COL4A6: variants seen among roughly 807,000 people sequenced by gnomAD.
COL4A6 encodes the protein collagen alpha-6(IV) chain.
In COL4A6, 59 loss-of-function variants were observed where a neutral mutation model predicts 126.7. That is an observed-to-expected ratio of 0.47 (90% CI 0.38 to 0.58). The LOEUF (loss-of-function observed/expected upper bound fraction) is 0.58, where lower values mean the gene tolerates loss of function less well. COL4A6 is among the 20% of genes least tolerant of loss of function. The probability of loss-of-function intolerance (pLI) is 0.00; values close to 1 mark genes in which losing one functional copy is unlikely to be tolerated. For missense variants in COL4A6, 1,285 were observed against 1,337.3 expected, an observed-to-expected ratio of 0.96 and a Z score of 0.61; for synonymous variants, 547 against 496.6, an observed-to-expected ratio of 1.10 and a Z score of -1.35.
intron 2 of COL4A6, among the ~76,000 whole-genome samples, chrX:108,319,640 G>A (rs1203597642): frequency 8.9e-6 from 1 of 112,112 alleles, no homozygotes; most frequent in East Asian, 2.8e-4. Context: ...TAGCAATGTG[G>A]TGATCTGTAC....
chrX:108,315,353 C>T (rs1435712370), intron 2 of COL4A6, among the ~76,000 whole-genome samples: 1 of 111,109 alleles, frequency 9.0e-6, no homozygotes, highest in Non-Finnish European at 1.9e-5. Context: ...CCATTCTCTG[C>T]CTCAGCTTCC....
chrX:108,170,545 A>G (rs2034266712), intron 35 of COL4A6, 64 bp downstream of exon 35: 7 of 889,931 alleles, frequency 7.9e-6, no homozygotes, highest in Non-Finnish European at 9.9e-6. Context: ...TCTAAGATAA[A>G]GTAGTTGGTG....
At chrX:108,212,357 C>T (rs1223884480) in intron 6 of COL4A6, among the ~76,000 whole-genome samples, 1 of 111,522 alleles carries the variant, frequency 9.0e-6, no homozygotes, top group Non-Finnish European at 1.9e-5. Context: ...GATTCAAAGT[C>T]TGTCTAAGAG....
chrX:108,300,811 T>C (rs1405570667), intron 3 of COL4A6, among the ~76,000 whole-genome samples: 2 of 109,273 alleles, frequency 1.8e-5, no homozygotes, highest in African/African-American at 6.7e-5. Context: ...CCACAGTGCC[T>C]GCACCAATAT....
At chrX:108,178,456 G>T (rs1220769556) in intron 27 of COL4A6, among the ~76,000 whole-genome samples, 3 of 112,660 alleles carry the variant, frequency 2.7e-5, no homozygotes, top group Non-Finnish European at 3.8e-5. Context: ...GGAGGAGGCG[G>T]GGGGAGGGGA....
In COL4A6 at chrX:108,172,541, C is replaced by A; in HGVS notation, c.3139-9G>T. Reference sequence around the variant, plus strand: ...CTGATACCTTGTGAACCCTTCGAAGCAATATGGGAATCATCATTTCTGCCC... The same window carrying A: ...CTGATACCTTGTGAACCCTTCGAAGAAATATGGGAATCATCATTTCTGCCC... On this transcript the variant is annotated splice_polypyrimidine_tract_variant and intron_variant, in intron 31 of 44. Transcript: ENST00000334504. The A allele has an allele frequency of 8.4e-7, 1 of 1,192,367 alleles. No individual in the cohort carries two copies. The highest frequency in any genetic ancestry group is 1.1e-6 in the Non-Finnish European group (1 of 883,034).
chrX:108,363,137 G>A (rs1370569095), intron 2 of COL4A6, among the ~76,000 whole-genome samples: 1 of 112,205 alleles, frequency 8.9e-6, no homozygotes, highest in Admixed American at 9.5e-5. Flanking sequence ...ACTGTATGTA[G>A]CTGGAGGTGA....
chrX:108,419,097 T>C (rs2041485326), intron 2 of COL4A6, among the ~76,000 whole-genome samples: 1 of 112,388 alleles, frequency 8.9e-6, no homozygotes, highest in Non-Finnish European at 1.9e-5. Flanking sequence ...GTAAACTATA[T>C]ATGAGAAGAA....
intron 3 of COL4A6, among the ~76,000 whole-genome samples, chrX:108,249,542 T>G (rs762808768): frequency 9.0e-6 from 1 of 111,452 alleles, no homozygotes; most frequent in African/African-American, 3.3e-5. Context: ...TTAAATGTAT[T>G]TGAGGGGTAA....
intron 3 of COL4A6, among the ~76,000 whole-genome samples, chrX:108,241,991 C>T (rs1425315443): frequency 1.3e-4 from 13 of 99,610 alleles, no homozygotes; most frequent in Admixed American, 1.3e-3. Flanking sequence ...CAGATTTCAC[C>T]AGTTTTTTTT....
rs1028090884 is a variant in COL4A6 at position 108,162,025 on chromosome X, C to T, written c.4217-290G>A. ...CCTCCTAGCAACAATGGAAATTATGCAGGGCAACGGCGAGCATCCCATATC... is the reference window on the plus strand; with the variant it reads ...CCTCCTAGCAACAATGGAAATTATGTAGGGCAACGGCGAGCATCCCATATC... On this transcript the variant is annotated intron_variant, in intron 41 of 44. Transcript: ENST00000334504. Among the ~76,000 whole-genome samples, 4 of 112,272 alleles carry T rather than the reference C, an allele frequency of 3.6e-5. No individual in the cohort carries two copies. The South Asian group carries it at 1.5e-3, about 41-fold the overall frequency.
In COL4A6 at chrX:108,174,427, T is replaced by TGGTC. The variant is rs765695229; in HGVS notation, c.3138+9_3138+12dup. The TGGTC allele has an allele frequency of 2.0e-4, 241 of 1,206,981 alleles. 1 individual carries two copies. The highest frequency in any genetic ancestry group is 4.4e-4 in the South Asian group (25 of 56,564). ...CTTTTCTGGTATAAAGACAAAGATCTGGTCACACTTACACTTTCTCCTGGC... is the reference window on the plus strand; with the variant it reads ...CTTTTCTGGTATAAAGACAAAGATCTGGTCGGTCACACTTACACTTTCTCCTGGC... On this transcript the variant is annotated intron_variant, in intron 31 of 44. Coordinates refer to ENST00000334504, the MANE Select transcript of COL4A6 (RefSeq NM_033641.4).
In COL4A6 at chrX:108,164,707, G is replaced by T. The variant is rs1652102198; in HGVS notation, c.3971-9C>A. ...AGGCTCACCTCTCATGCCTGACAAA[G>T]CCCAAAGGAAGCAAGTCAGGTCCCG... is the stretch of plus-strand genomic sequence containing the variant. On this transcript the variant is annotated splice_polypyrimidine_tract_variant and intron_variant, in intron 39 of 44. Coordinates refer to ENST00000334504, the MANE Select transcript of COL4A6 (RefSeq NM_033641.4). The T allele has an allele frequency of 8.3e-7, 1 of 1,209,381 alleles. No homozygotes were observed. Among genetic ancestry groups the T allele is most frequent in the Middle Eastern group, 2.3e-4 (1 of 4,343 alleles).
intron 3 of COL4A6, among the ~76,000 whole-genome samples, chrX:108,290,661 T>A (rs1217274943): frequency 8.9e-6 from 1 of 112,758 alleles, no homozygotes; most frequent in Non-Finnish European, 1.9e-5. Flanking sequence ...TTAATACTTG[T>A]TTATTGTTAC....
rs779868506 is a variant in COL4A6, at chrX:108,209,808, T to C, written c.546+161A>G. ...TGGACAGTTCATCCTCTCAGTGCTTTCTCATTTGGAAAATGTCAATACTGT... is the reference window on the plus strand; with the variant it reads ...TGGACAGTTCATCCTCTCAGTGCTTCCTCATTTGGAAAATGTCAATACTGT... On this transcript the variant is annotated intron_variant, in intron 8 of 44. Coordinates refer to ENST00000334504, the MANE Select transcript of COL4A6 (RefSeq NM_033641.4). Among the ~76,000 whole-genome samples the C allele has an allele frequency of 4.5e-5, 5 of 112,327 alleles. No individual in the cohort carries two copies. The South Asian group carries it at 1.9e-3, about 42-fold the overall frequency.
At chrX:108,241,350 T>C (rs1238347233) in intron 3 of COL4A6, among the ~76,000 whole-genome samples, 2 of 109,274 alleles carry the variant, frequency 1.8e-5, no homozygotes, top group Non-Finnish European at 3.8e-5. Flanking sequence ...AGAAGTTAAA[T>C]AACTATTCAC....
chrX:108,256,011 A>T (rs1423579235), intron 3 of COL4A6, among the ~76,000 whole-genome samples: 1 of 111,122 alleles, frequency 9.0e-6, no homozygotes, highest in Non-Finnish European at 1.9e-5. Flanking sequence ...ACTTTCTGTG[A>T]TCATAAGCAA....
chrX:108,203,352 G>A (rs1335637441), intron 12 of COL4A6, among the ~76,000 whole-genome samples: 1 of 112,069 alleles, frequency 8.9e-6, no homozygotes, highest in Non-Finnish European at 1.9e-5. Context: ...TTGGGAAAAG[G>A]GTAACAATTA....
chrX:108,394,682 C>T (rs1274070975), intron 2 of COL4A6, among the ~76,000 whole-genome samples: 1 of 111,936 alleles, frequency 8.9e-6, no homozygotes, highest in African/African-American at 3.2e-5. Context: ...AGGCATTTAT[C>T]GTCTACTTGT....
Sources: allele counts gnomAD v4.1 joint callset (sites outside exome capture counted in the v4.1 genomes callset), GRCh38; gene constraint gnomAD v4.1.1; transcripts MANE v1.5; gene names NCBI Gene and HGNC (gene_info 2026-07-23, HGNC 2026-07-21).